Variants in EYS observed in about 807,000 individuals in gnomAD.
The protein encoded by EYS is EGF-like photoreceptor maintenance factor.
Under a neutral mutation model 282.1 loss-of-function variants are expected in EYS, and 250 were observed. The observed-to-expected ratio is 0.89, with a 90% CI of 0.80 to 0.98. The LOEUF (loss-of-function observed/expected upper bound fraction) is 0.98. Ranked by LOEUF, EYS falls within the 50% of genes least tolerant of loss-of-function variation. The pLI is 0.00. For synonymous variants in EYS, 1,355 were observed against 1,282.9 expected (o/e 1.06, Z -1.20); for missense variants, 4,016 against 3,709.0 (o/e 1.08, Z -2.15).
At chr6:65,440,081 A>T (rs1423151446) in intron 5 of EYS, among the ~76,000 whole-genome samples, 1 of 152,108 alleles carries the variant, frequency 6.6e-6, no homozygotes, top group African/African-American at 2.4e-5. Flanking sequence ...AAATTAAGTG[A>T]TTCAAAAAGG....
rs556037782 is a variant in EYS, at chr6:64,366,285, T to A, written c.6078+22405A>T. Among the ~76,000 whole-genome samples the A allele has an allele frequency of 2.4e-4, 37 of 152,094 alleles. 1 individual carries two copies. In the South Asian group the frequency reaches 7.5e-3, roughly 31 times the overall value. On this transcript the variant is annotated intron_variant, in intron 29 of 42. Coordinates refer to ENST00000503581, the MANE Select transcript of EYS (RefSeq NM_001142800.2). Reference sequence around the variant, plus strand: ...ATTAAGAAGGCCTGGCAGTGTCTGCTTTTGTGCTCCAAAAAGGGAGCTACC... The same window carrying A: ...ATTAAGAAGGCCTGGCAGTGTCTGCATTTGTGCTCCAAAAAGGGAGCTACC...
At chr6:63,737,757 C>G (rs917507670) in intron 41 of EYS, among the ~76,000 whole-genome samples, 1 of 151,296 alleles carries the variant, frequency 6.6e-6, no homozygotes, top group Non-Finnish European at 1.5e-5. Flanking sequence ...AAGTGAAGAG[C>G]TTCTGCACAG....
intron 26 of EYS, among the ~76,000 whole-genome samples, chr6:64,498,995 C>G (rs188059947): frequency 6.6e-6 from 1 of 151,984 alleles, no homozygotes; most frequent in Non-Finnish European, 1.5e-5. Flanking sequence ...GATTGTTGGG[C>G]GAAATGGTAT....
At chr6:64,834,525 A>T (rs1282177745) in intron 19 of EYS, among the ~76,000 whole-genome samples, 3 of 151,874 alleles carry the variant, frequency 2.0e-5, no homozygotes, top group Non-Finnish European at 4.4e-5. Context: ...ATAATTAAAA[A>T]ATCCAGTGAC....
chr6:64,347,127 A>C lies in EYS; in HGVS notation c.6079-40045T>G, dbSNP rs115277740. On this transcript the variant is annotated intron_variant, in intron 29 of 42. Transcript: ENST00000503581. ...ACAGTATGAAGGCACTAGTTTCTTC[A>C]AAAAAATTTTTGCTCAAATAATAAA... 4.7e-3 allele frequency among the ~76,000 whole-genome samples: 713 copies of C among 151,526 alleles called. 5 individuals carry two copies. The highest frequency in any genetic ancestry group is 0.016 in the African/African-American group (662 of 41,456).
At chr6:64,755,106 A>C (rs1401863334) in intron 22 of EYS, among the ~76,000 whole-genome samples, 6 of 152,172 alleles carry the variant, frequency 3.9e-5, no homozygotes, top group Non-Finnish European at 8.8e-5. Context: ...CAGGATAAAA[A>C]ATCAACATAC....
At chr6:65,327,299 T>C (rs1489174366) in intron 11 of EYS, among the ~76,000 whole-genome samples, 1 of 151,672 alleles carries the variant, frequency 6.6e-6, no homozygotes, top group African/African-American at 2.4e-5. Flanking sequence ...CCTCTTAACC[T>C]AGAATTGCTC....
intron 40 of EYS, among the ~76,000 whole-genome samples, chr6:63,763,365 A>G (rs1769698152): frequency 6.6e-6 from 1 of 152,032 alleles, no homozygotes; most frequent in South Asian, 2.1e-4. Flanking sequence ...TGTCAGATAA[A>G]ATGCAGAGCA....
chr6:63,826,845 C>CAAAAAAAAAAAAA (rs59957107), intron 36 of EYS, among the ~76,000 whole-genome samples: 3 of 76,762 alleles, frequency 3.9e-5, no homozygotes, highest in African/African-American at 5.1e-5. Context: ...AGTTAAAAAG[C>CAAAAAAAAAAAAA]AAAAAAAAAA....
intron 35 of EYS, among the ~76,000 whole-genome samples, chr6:63,926,860 C>T (rs1284116997): frequency 6.6e-6 from 1 of 152,274 alleles, no homozygotes; most frequent in African/African-American, 2.4e-5. Context: ...AAAGGCTGTA[C>T]TTTGGACTTT....
chr6:65,358,599 AGTGTGTGTGTGTGTGTGTGT>A (rs61588307), intron 8 of EYS, among the ~76,000 whole-genome samples: 24 of 140,932 alleles, frequency 1.7e-4, no homozygotes, highest in Middle Eastern at 3.5e-3. Context: ...AGGTTTCTGA[AGTGTGTGTGTGTGTGTGTGT>A]GTGTGTGTGT....
chr6:64,896,818 G>A (rs1179412028), intron 18 of EYS, among the ~76,000 whole-genome samples: 1 of 152,086 alleles, frequency 6.6e-6, no homozygotes, highest in Non-Finnish European at 1.5e-5. Context: ...CCCTCACAGT[G>A]TGAACAAAGC....
chr6:64,066,623 T>C (rs1050309446), intron 32 of EYS, 132 bp from the exon 33 acceptor site: 4 of 639,156 alleles, frequency 6.3e-6, no homozygotes, highest in Non-Finnish European at 1.1e-5. Flanking sequence ...TAGATAATTA[T>C]TCAGTGTAAT....
At chr6:65,314,561 G>GGTGTGT (rs4032795) in intron 11 of EYS, among the ~76,000 whole-genome samples, 2,092 of 106,326 alleles carry the variant, frequency 0.02, 39 homozygotes, top group African/African-American at 0.043. Context: ...TTCCCCTTAT[G>GGTGTGT]GTGTGTGTGT....
In EYS at chr6:64,000,168, C is replaced by CTTTTTTTTTTTTT. The variant is rs71551553; in HGVS notation, c.6726-998_6726-986dup. 1.6e-4 allele frequency among the ~76,000 whole-genome samples: 7 copies of CTTTTTTTTTTTTT among 42,734 alleles called. 3 individuals carry two copies. Among genetic ancestry groups the CTTTTTTTTTTTTT allele is most frequent in the Non-Finnish European group, 2.2e-4 (5 of 22,778 alleles). The allele number at this position is 42,734 out of a possible 152,430, so 28.0% of individuals were successfully genotyped here. On this transcript the variant is annotated intron_variant, in intron 33 of 42. Transcript: ENST00000503581. ...CTGAGGAGTTTCCCAAGACATGGGA[C>CTTTTTTTTTTTTT]TTTTTTTTTTTTTTTTTTTTTTTTT...
At chr6:65,493,028 G>T (rs1212658828) in intron 4 of EYS, among the ~76,000 whole-genome samples, 2 of 151,986 alleles carry the variant, frequency 1.3e-5, no homozygotes, top group South Asian at 2.1e-4. Context: ...GGATTCTTCC[G>T]CCTCAGCCTC....
chr6:64,679,136 A>G (rs1277133436), intron 22 of EYS, among the ~76,000 whole-genome samples: 1 of 152,100 alleles, frequency 6.6e-6, no homozygotes, highest in Admixed American at 6.6e-5. Flanking sequence ...CTCTACCCCA[A>G]CTTCACATCT....
At chr6:65,603,666 A>T (rs897013810) in intron 2 of EYS, among the ~76,000 whole-genome samples, 4 of 151,936 alleles carry the variant, frequency 2.6e-5, no homozygotes, top group African/African-American at 9.7e-5. Flanking sequence ...GAGCTTTATT[A>T]TCTGTTTTTT....
rs1044722026 is a variant in EYS at position 63,789,193 on chromosome 6, G to A, written c.7443C>T (p.Gly2481=). The change falls in exon 38 of 43, where the codon GGC becomes GGT. Residue 2481 remains glycine, a synonymous_variant. Transcript: ENST00000503581. The part of the protein sequence containing the change: ...GLNGDDFLAV[G]LLNGSVVYSY... Reference sequence around the variant, plus strand: ...TATAAACCACACTGCCATTGAGCAGGCCCACAGCCAGGAAGTCATCGCCAT... The same window carrying A: ...TATAAACCACACTGCCATTGAGCAGACCCACAGCCAGGAAGTCATCGCCAT... 9 of 1,551,738 alleles carry A rather than the reference G, an allele frequency of 5.8e-6. No individual in the cohort carries two copies. The Admixed American group carries it at 1.4e-4, about 24-fold the overall frequency.
Sources: allele counts gnomAD v4.1 joint callset (sites outside exome capture counted in the v4.1 genomes callset), GRCh38; gene constraint gnomAD v4.1.1; transcripts MANE v1.5; gene names NCBI Gene and HGNC (gene_info 2026-07-23, HGNC 2026-07-21).